The following PLPP3 variants were observed in gnomAD, a reference collection of about 807,000 sequenced individuals.
PLPP3 encodes PAP2 beta.
Under a neutral mutation model 29.6 loss-of-function variants are expected in PLPP3, and 6 were observed. The ratio of observed to expected loss-of-function variants is 0.20; its 90% CI spans 0.11 to 0.40. PLPP3 has a LOEUF of 0.40. PLPP3 is among the 10% of genes least tolerant of loss of function. The pLI, the probability that PLPP3 is intolerant of heterozygous loss-of-function variation, is 1.00. For missense variants in PLPP3, 308 were observed against 407.7 expected (o/e 0.76, Z 2.11); for synonymous variants, 152 against 159.7 (o/e 0.95, Z 0.36).
intron 5 of PLPP3, among the ~76,000 whole-genome samples, chr1:56,508,956 T>C (rs1322725522): frequency 6.6e-6 from 1 of 152,172 alleles, no homozygotes; most frequent in East Asian, 1.9e-4. Flanking sequence ...CACTACCTTC[T>C]TTCCTCCCAG....
At chr1:56,538,139 G>A (rs897004313) in intron 1 of PLPP3, among the ~76,000 whole-genome samples, 2 of 152,118 alleles carry the variant, frequency 1.3e-5, no homozygotes. Context: ...GGCTCCCCAT[G>A]ACACAGGGTG....
intron 1 of PLPP3, among the ~76,000 whole-genome samples, chr1:56,548,331 GA>G (rs1278741840): frequency 6.6e-6 from 1 of 152,226 alleles, no homozygotes; most frequent in East Asian, 1.9e-4. Flanking sequence ...TGAAAAGTTT[GA>G]AGTCCAAACT....
intron 2 of PLPP3, among the ~76,000 whole-genome samples, chr1:56,536,199 T>C (rs958947765): frequency 3.9e-5 from 6 of 152,210 alleles, no homozygotes; most frequent in South Asian, 4.1e-4. Flanking sequence ...CCTCAATACA[T>C]GATACTGTGC....
intron 1 of PLPP3, among the ~76,000 whole-genome samples, chr1:56,555,645 A>G (rs989879659): frequency 2.6e-5 from 4 of 152,018 alleles, no homozygotes; most frequent in Admixed American, 6.5e-5. Context: ...TTTGTGAAAC[A>G]TGCTTAACAA....
intron 5 of PLPP3, among the ~76,000 whole-genome samples, chr1:56,497,192 G>A (rs1645636286): frequency 6.6e-6 from 1 of 152,174 alleles, no homozygotes; most frequent in Admixed American, 6.5e-5. Context: ...CCATTTGACG[G>A]GGGTCAAGAA....
chr1:56,519,004 A>C (rs1645800915), intron 4 of PLPP3, among the ~76,000 whole-genome samples: 1 of 148,296 alleles, frequency 6.7e-6, no homozygotes. Context: ...CTTCTAAAGA[A>C]GGTGGGTGGG....
rs1553136508 is a variant in PLPP3 at position 56,518,715 on chromosome 1, T to TTACATATATATATATA, written c.633+5107_633+5108insTATATATATATATGTA. On this transcript the variant is annotated intron_variant, in intron 4 of 5. Coordinates refer to ENST00000371250, the MANE Select transcript of PLPP3 (RefSeq NM_003713.5). ...GGAATTTACAGCCTTTTTTAATCAT[T>TTACATATATATATATA]TATATATATATATATATATAGACAG... is the stretch of plus-strand genomic sequence containing the variant. 9.5e-5 allele frequency among the ~76,000 whole-genome samples: 12 copies of TTACATATATATATATA among 126,692 alleles called. 1 individual carries two copies. Among genetic ancestry groups the TTACATATATATATATA allele is most frequent in the African/African-American group, 3.4e-4 (12 of 35,814 alleles). 83.1% of individuals were successfully genotyped at this position (126,692 alleles called of 152,430 possible).
intron 1 of PLPP3, among the ~76,000 whole-genome samples, chr1:56,553,867 G>A (rs1388000958): frequency 6.6e-6 from 1 of 152,154 alleles, no homozygotes; most frequent in Non-Finnish European, 1.5e-5. Flanking sequence ...AAAACCGAGT[G>A]TGCGAAGAAG....
At chr1:56,543,290 T>G (rs1418738709) in intron 1 of PLPP3, among the ~76,000 whole-genome samples, 1 of 152,186 alleles carries the variant, frequency 6.6e-6, no homozygotes, top group East Asian at 1.9e-4. Context: ...TGGGTTATTA[T>G]TTTCATGTAT....
chr1:56,557,028 G>GAAAAGAAAGAA (rs759578673), intron 1 of PLPP3, among the ~76,000 whole-genome samples: 2 of 11,730 alleles, frequency 1.7e-4, no homozygotes, highest in Admixed American at 9.5e-4. Flanking sequence ...GAGAGAGAAA[G>GAAAAGAAAGAA]AGAGAGAGAG....
chr1:56,567,511 C>T (rs1366521255), intron 1 of PLPP3, among the ~76,000 whole-genome samples: 2 of 150,778 alleles, frequency 1.3e-5, no homozygotes, highest in Admixed American at 6.6e-5. Flanking sequence ...CATTCTCCTG[C>T]CTCAGCCTCC....
Position 56,524,786 on chromosome 1 carries a change from A to G in PLPP3, c.298-232T>C, listed in dbSNP as rs1246491004. On this transcript the variant is annotated intron_variant, in intron 2 of 5. Transcript: ENST00000371250. This position sits in a 1 kb window ranked among gnomAD's most constrained non-coding sequence, Gnocchi z 4.3. ...ACAACAAAAATATACAACCAAATAT[A>G]TTTATATGTATATATGTGTATGTGT... Among the ~76,000 whole-genome samples the G allele has an allele frequency of 6.7e-6, 1 of 149,042 alleles. No individual in the cohort carries two copies. The highest frequency in any genetic ancestry group is 1.5e-5 in the Non-Finnish European group (1 of 67,448).
At chr1:56,554,429 G>A (rs1175242122) in intron 1 of PLPP3, among the ~76,000 whole-genome samples, 5 of 151,978 alleles carry the variant, frequency 3.3e-5, no homozygotes, top group African/African-American at 9.7e-5. Context: ...AAAATGAGCC[G>A]GGCGTGTTGG....
At chr1:56,560,014 C>T (rs1234788621) in intron 1 of PLPP3, among the ~76,000 whole-genome samples, 1 of 152,226 alleles carries the variant, frequency 6.6e-6, no homozygotes, top group Non-Finnish European at 1.5e-5. Flanking sequence ...CCTGTCCAAA[C>T]AACCGTGATG....
At chr1:56,540,176 G>T (rs1179519088) in intron 1 of PLPP3, among the ~76,000 whole-genome samples, 4 of 152,084 alleles carry the variant, frequency 2.6e-5, no homozygotes, top group Admixed American at 2.6e-4. Flanking sequence ...TTAATGGGAA[G>T]AATGAAATCT....
chr1:56,578,840 G>A (rs887125798), intron 1 of PLPP3, 38 bp downstream of exon 1: 34 of 1,500,528 alleles, frequency 2.3e-5, no homozygotes, highest in Non-Finnish European at 2.8e-5. Flanking sequence ...CGAGGGACGA[G>A]GGGCCGAGGG....
intron 1 of PLPP3, among the ~76,000 whole-genome samples, chr1:56,566,292 T>C (rs1646161771): frequency 6.6e-6 from 1 of 152,132 alleles, no homozygotes; most frequent in South Asian, 2.1e-4. Context: ...GTGGAGAATA[T>C]AGGCAGTAGG....
chr1:56,547,280 T>A (rs1044756363), intron 1 of PLPP3, among the ~76,000 whole-genome samples: 8 of 152,196 alleles, frequency 5.3e-5, no homozygotes, highest in Admixed American at 1.3e-4. Flanking sequence ...TGGCACATAG[T>A]GGGAGTTCAA....
chr1:56,524,411 G>A lies in PLPP3; in HGVS notation c.441C>T (p.Ala147=). The change falls in exon 3 of 6, where the codon GCC becomes GCT. Residue 147 remains alanine (A), a synonymous_variant. Coordinates refer to ENST00000371250, the MANE Select transcript of PLPP3 (RefSeq NM_003713.5). This position sits in a 1 kb window ranked among gnomAD's most constrained non-coding sequence, Gnocchi z 4.3. ...CAISQSFTDI[A]KVSIGRLRPH... ...GACGCAGGCGCCCTATGGACACTTT[G>A]GCAATGTCTGTGAAAGACTGGCTGA... The A allele has an allele frequency of 6.2e-7, 1 of 1,614,094 alleles. No individual in the cohort carries two copies. Among genetic ancestry groups the A allele is most frequent in the Non-Finnish European group, 8.5e-7 (1 of 1,179,964 alleles).
Sources: gnomAD v4.1 joint callset for allele counts (sites outside exome capture counted in the v4.1 genomes callset) on GRCh38, gnomAD v4.1.1 for gene constraint, Gnocchi (gnomAD v3.1) non-coding constraint, MANE v1.5 for transcripts, NCBI Gene and HGNC (gene_info 2026-07-23, HGNC 2026-07-21) for gene names.